The following UBE2D3 variants were observed in gnomAD, a reference collection of about 807,000 sequenced individuals.
UBE2D3 encodes the protein ubiquitin conjugating enzyme E2 D3, also known as ubiquitin-conjugating enzyme E2 D3.
A neutral mutation model predicts 22.8 loss-of-function variants in UBE2D3; 2 were observed. That is an observed-to-expected ratio of 0.09 (90% CI 0.04 to 0.28). The LOEUF (loss-of-function observed/expected upper bound fraction) is 0.28, where lower values mean the gene tolerates loss of function less well. Ranked by LOEUF, UBE2D3 falls within the 10% of genes least tolerant of loss-of-function variation. The pLI, the probability that UBE2D3 is intolerant of heterozygous loss-of-function variation, is 1.00. For missense variants in UBE2D3, 27 were observed against 182.5 expected (o/e 0.15, Z 4.91); for synonymous variants, 56 against 60.4 (o/e 0.93, Z 0.34).
At chr4:102,817,538 AG>A (rs1252409263) in intron 2 of UBE2D3, among the ~76,000 whole-genome samples, 4 of 152,156 alleles carry the variant, frequency 2.6e-5, no homozygotes, top group African/African-American at 9.7e-5. Flanking sequence ...AATTTGGACT[AG>A]GGGTAAGTTT....
At chr4:102,798,286 A>ATATATATATATATATATATATATAT (rs1197587465) in intron 7 of UBE2D3, among the ~76,000 whole-genome samples, 2 of 146,870 alleles carry the variant, frequency 1.4e-5, no homozygotes, top group Non-Finnish European at 3.0e-5. Flanking sequence ...ATGAATATAT[A>ATATATATATATATATATATATATAT]TATATATATA....
intron 1 of UBE2D3, among the ~76,000 whole-genome samples, chr4:102,848,755 G>A (rs1732176003): frequency 6.6e-6 from 1 of 151,650 alleles, no homozygotes; most frequent in Non-Finnish European, 1.5e-5. Flanking sequence ...GGAGGTTGAG[G>A]CTGCAGTGAG....
At chr4:102,857,045 A>G (rs1218151267) in intron 1 of UBE2D3, among the ~76,000 whole-genome samples, 3 of 152,192 alleles carry the variant, frequency 2.0e-5, no homozygotes, top group Non-Finnish European at 4.4e-5. Context: ...AATGTTAACT[A>G]TGGATTTTAG....
At position 102,797,216 on chromosome 4, in the gene UBE2D3, A is replaced by G; in HGVS notation, c.*199T>C. Reference sequence around the variant, plus strand: ...CTTGTAACTACTTTACAGTTTCTAAAAGCAGTTATTGTCCAAAGCTGGAAG... The same window carrying G: ...CTTGTAACTACTTTACAGTTTCTAAGAGCAGTTATTGTCCAAAGCTGGAAG... On this transcript the variant is annotated 3_prime_UTR_variant, in exon 8 of 8. Transcript: ENST00000453744. 4.3e-6 allele frequency: 2 copies of G among 467,628 alleles called. No homozygotes were observed. Among genetic ancestry groups the G allele is most frequent in the Non-Finnish European group, 7.7e-6 (2 of 261,240 alleles). The allele number at this position is 467,628 out of a possible 1,614,324, so 29.0% of individuals were successfully genotyped here.
chr4:102,855,789 T>C (rs1173187354), intron 1 of UBE2D3, among the ~76,000 whole-genome samples: 1 of 152,140 alleles, frequency 6.6e-6, no homozygotes, highest in Non-Finnish European at 1.5e-5. Flanking sequence ...GTCAACAAGA[T>C]AGGTAAATAA....
At chr4:102,841,048 T>C (rs945244767) in intron 1 of UBE2D3, among the ~76,000 whole-genome samples, 1 of 151,790 alleles carries the variant, frequency 6.6e-6, no homozygotes, top group Non-Finnish European at 1.5e-5. Flanking sequence ...CAATTTGGTA[T>C]TAAACTGGAA....
At chr4:102,830,378 T>A (rs1731055601), upstream of UBE2D3, among the ~76,000 whole-genome samples, 1 of 152,112 alleles carries the variant, frequency 6.6e-6, no homozygotes, top group African/African-American at 2.4e-5. Context: ...AAGAAAAAAA[T>A]TATGGCTGTA....
chr4:102,839,196 A>C (rs183577267), intron 1 of UBE2D3, among the ~76,000 whole-genome samples: 1 of 152,352 alleles, frequency 6.6e-6, no homozygotes, highest in African/African-American at 2.4e-5. Context: ...ACTGTCTTAC[A>C]CTTTAGGGTC....
At chr4:102,810,715 A>G (rs1037264201) in intron 2 of UBE2D3, 2 of 152,092 alleles carry the variant, frequency 1.3e-5, no homozygotes, top group African/African-American at 4.8e-5. Flanking sequence ...TTTATTTCCA[A>G]CAAGTATGTA....
At chr4:102,814,676 A>G (rs1283528756) in intron 2 of UBE2D3, among the ~76,000 whole-genome samples, 1 of 152,046 alleles carries the variant, frequency 6.6e-6, no homozygotes, top group Non-Finnish European at 1.5e-5. Flanking sequence ...AATAGGAATC[A>G]CTACCTGGCA....
At chr4:102,831,668 C>CTGTTTGAT (rs1387791566), upstream of UBE2D3, among the ~76,000 whole-genome samples, 1 of 152,176 alleles carries the variant, frequency 6.6e-6, no homozygotes, top group African/African-American at 2.4e-5. Context: ...AGGCCACATA[C>CTGTTTGAT]TGTTTGATTC....
chr4:102,838,926 C>T (rs1281107440), intron 1 of UBE2D3, among the ~76,000 whole-genome samples: 2 of 151,902 alleles, frequency 1.3e-5, no homozygotes, highest in Non-Finnish European at 2.9e-5. Flanking sequence ...TTCTGACCCC[C>T]AAATCAGCTT....
intron 1 of UBE2D3, among the ~76,000 whole-genome samples, chr4:102,837,526 T>G (rs1731474951): frequency 6.6e-6 from 1 of 152,202 alleles, no homozygotes; most frequent in Admixed American, 6.5e-5. Context: ...ATTTTTTAAT[T>G]AAAGTATGTA....
At chr4:102,824,572 A>G (rs1730160022) in intron 2 of UBE2D3, among the ~76,000 whole-genome samples, 1 of 152,244 alleles carries the variant, frequency 6.6e-6, no homozygotes, top group African/African-American at 2.4e-5. Flanking sequence ...TAACTGGAGC[A>G]TTTCTGCTCC....
intron 4 of UBE2D3, among the ~76,000 whole-genome samples, chr4:102,805,639 C>CA (rs1168812268): frequency 1.3e-5 from 2 of 152,020 alleles, no homozygotes; most frequent in Non-Finnish European, 1.5e-5. Context: ...AGGCATGTGC[C>CA]ACTACACCCA....
chr4:102,845,472 G>A (rs1196889386), intron 1 of UBE2D3, among the ~76,000 whole-genome samples: 1 of 152,180 alleles, frequency 6.6e-6, no homozygotes, highest in African/African-American at 2.4e-5. Flanking sequence ...AACCCCACTG[G>A]ATTAGGGAAC....
intron 4 of UBE2D3, among the ~76,000 whole-genome samples, chr4:102,808,349 T>C (rs1727391576): frequency 6.6e-6 from 1 of 152,170 alleles, no homozygotes; most frequent in Admixed American, 6.5e-5. Flanking sequence ...AATTAAACAA[T>C]ATTGCTACCA....
chr4:102,859,230 C>T (rs1342673285), intron 1 of UBE2D3, among the ~76,000 whole-genome samples: 1 of 151,910 alleles, frequency 6.6e-6, no homozygotes, highest in Non-Finnish European at 1.5e-5. Flanking sequence ...TTGAGTATAT[C>T]ATCCCATTCT....
At chr4:102,818,638 A>AT (rs1312270037) in intron 2 of UBE2D3, among the ~76,000 whole-genome samples, 2 of 152,190 alleles carry the variant, frequency 1.3e-5, no homozygotes, top group African/African-American at 2.4e-5. Context: ...ATAGGGCAGG[A>AT]TTTTTTTCAC....
Sources: gnomAD v4.1 joint callset for allele counts (sites outside exome capture counted in the v4.1 genomes callset) on GRCh38, gnomAD v4.1.1 for gene constraint, MANE v1.5 for transcripts, NCBI Gene and HGNC (gene_info 2026-07-23, HGNC 2026-07-21) for gene names.